The following WNT7A variants were observed in gnomAD, a reference collection of about 807,000 sequenced individuals.
WNT7A encodes the protein Wnt family member 7A, also known as protein Wnt-7a.
A neutral mutation model predicts 28.2 loss-of-function variants in WNT7A; 16 were observed. That is an observed-to-expected ratio of 0.57 (90% CI 0.38 to 0.86). The LOEUF is 0.86. Among genes scored for constraint, WNT7A ranks in the 40% least tolerant of loss-of-function variants. The probability of loss-of-function intolerance (pLI) is 0.00; values close to 1 mark genes in which losing one functional copy is unlikely to be tolerated. For synonymous variants in WNT7A, 190 were observed against 195.9 expected (o/e 0.97, Z 0.25); for missense variants, 411 against 489.7 (o/e 0.84, Z 1.52).
intron 2 of WNT7A, among the ~76,000 whole-genome samples, chr3:13,873,843 G>C (rs1695062132): frequency 6.6e-6 from 1 of 152,154 alleles, no homozygotes; most frequent in East Asian, 1.9e-4. Flanking sequence ...GGTGTGTTTG[G>C]GAAAAAGGAC....
intron 3 of WNT7A, among the ~76,000 whole-genome samples, chr3:13,841,824 C>T (rs780344544): frequency 6.6e-6 from 1 of 152,106 alleles, no homozygotes; most frequent in African/African-American, 2.4e-5. Flanking sequence ...AAAAACAAAA[C>T]GTGGAAGGGA....
chr3:13,841,614 T>C (rs1394302644), intron 3 of WNT7A, among the ~76,000 whole-genome samples: 1 of 152,164 alleles, frequency 6.6e-6, no homozygotes, highest in African/African-American at 2.4e-5. Flanking sequence ...TGTACAGGTA[T>C]AAAATATTCA....
intron 2 of WNT7A, among the ~76,000 whole-genome samples, chr3:13,874,487 GACTGCGGCAGTGAATGGGTTGCCCATTC>G (rs1695073480): frequency 6.6e-6 from 1 of 152,282 alleles, no homozygotes; most frequent in African/African-American, 2.4e-5. Flanking sequence ...GAGTGGTGGG[GACTGCGGCAGTGAATGGGTTGCCCATTC>G]ACTGCTGCAA....
At chr3:13,856,965 GAAGGAGAAGAAGAAGAAGA>G (rs1694753630) in intron 2 of WNT7A, among the ~76,000 whole-genome samples, 1 of 122,566 alleles carries the variant, frequency 8.2e-6, no homozygotes, top group Non-Finnish European at 1.6e-5. Flanking sequence ...AGAAGAAGAA[GAAGGAGAAGAAGAAGAAGA>G]AGGAGAAGAA....
chr3:13,876,007 G>A (rs979191674), intron 1 of WNT7A: 6 of 152,292 alleles, frequency 3.9e-5, no homozygotes, highest in African/African-American at 1.4e-4. Context: ...AGGCCATCTC[G>A]ACAGTGATAT....
At chr3:13,838,976 T>G (rs1464011959) in intron 3 of WNT7A, among the ~76,000 whole-genome samples, 1 of 152,220 alleles carries the variant, frequency 6.6e-6, no homozygotes, top group African/African-American at 2.4e-5. Flanking sequence ...TATCTCAGTA[T>G]TTGCATATTG....
chr3:13,829,738 G>C (rs753011802), intron 3 of WNT7A, among the ~76,000 whole-genome samples: 1 of 152,182 alleles, frequency 6.6e-6, no homozygotes, highest in Non-Finnish European at 1.5e-5. Flanking sequence ...GAGGAGAGAA[G>C]CAGGTTGGCT....
rs1021036360 is a variant in WNT7A at position 13,818,053 on chromosome 3, G to C, written c.*891C>G. 7 of 152,152 alleles carry C rather than the reference G, an allele frequency of 4.6e-5. No individual in the cohort carries two copies. The highest frequency in any genetic ancestry group is 4.6e-4 in the Admixed American group (7 of 15,274). 9.4% of individuals were successfully genotyped at this position (152,152 alleles called of 1,614,324 possible). On this transcript the variant is annotated 3_prime_UTR_variant, in exon 4 of 4. Transcript: ENST00000285018. The stretch of plus-strand genomic sequence containing the variant: ...AGGCATCGCCCCTCCTTACCCCTAA[G>C]TGAGTACCAGAATTAAGAAGAAGCA...
intron 1 of WNT7A, among the ~76,000 whole-genome samples, chr3:13,876,162 C>G (rs917182352): frequency 6.6e-6 from 1 of 152,166 alleles, no homozygotes; most frequent in African/African-American, 2.4e-5. Context: ...TCTGAATTGC[C>G]AGGAGGCATC....
At chr3:13,862,330 A>C (rs1443744005) in intron 2 of WNT7A, among the ~76,000 whole-genome samples, 1 of 152,230 alleles carries the variant, frequency 6.6e-6, no homozygotes. Context: ...TGCCCAAAAG[A>C]TTCCATTCCA....
chr3:13,869,685 G>C (rs1695000256), intron 2 of WNT7A, among the ~76,000 whole-genome samples: 1 of 92,010 alleles, frequency 1.1e-5, no homozygotes, highest in Admixed American at 1.2e-4. Context: ...GAGGGAGGAA[G>C]GGAAAGATAG....
intron 3 of WNT7A, among the ~76,000 whole-genome samples, chr3:13,823,948 C>A (rs1300104755): frequency 6.6e-6 from 1 of 152,214 alleles, no homozygotes; most frequent in Non-Finnish European, 1.5e-5. Flanking sequence ...CCCCCGGATT[C>A]TAGCAGCTCA....
chr3:13,861,638 G>A (rs1694832676), intron 2 of WNT7A, among the ~76,000 whole-genome samples: 1 of 152,228 alleles, frequency 6.6e-6, no homozygotes, highest in African/African-American at 2.4e-5. Context: ...TAGCCTGAGT[G>A]ATGGCCCTGG....
At chr3:13,872,566 G>A (rs1381350456) in intron 2 of WNT7A, among the ~76,000 whole-genome samples, 1 of 152,090 alleles carries the variant, frequency 6.6e-6, no homozygotes, top group Non-Finnish European at 1.5e-5. Flanking sequence ...CTGTCCCAAG[G>A]ATTTTCTTGG....
At chr3:13,832,494 G>C (rs560952559) in intron 3 of WNT7A, among the ~76,000 whole-genome samples, 9 of 148,324 alleles carry the variant, frequency 6.1e-5, no homozygotes, top group African/African-American at 1.2e-4. Flanking sequence ...CCCTCCTCAG[G>C]CTCCTCCTAC....
chr3:13,872,945 T>A (rs1380791392), intron 2 of WNT7A, among the ~76,000 whole-genome samples: 1 of 152,144 alleles, frequency 6.6e-6, no homozygotes, highest in Non-Finnish European at 1.5e-5. Context: ...ATCTATAACA[T>A]CTTATATATC....
chr3:13,876,483 G>A (rs1468587654), intron 1 of WNT7A, among the ~76,000 whole-genome samples: 1 of 152,216 alleles, frequency 6.6e-6, no homozygotes. Flanking sequence ...GCAGGTTAGG[G>A]TTGGTGGTGG....
intron 3 of WNT7A, among the ~76,000 whole-genome samples, chr3:13,827,564 T>C (rs944232646): frequency 6.6e-5 from 10 of 152,062 alleles, no homozygotes; most frequent in Non-Finnish European, 1.2e-4. Flanking sequence ...AAATAGATAC[T>C]ATCGAATTTG....
At chr3:13,837,536 G>C (rs1301036553) in intron 3 of WNT7A, among the ~76,000 whole-genome samples, 1 of 128,652 alleles carries the variant, frequency 7.8e-6, no homozygotes, top group Non-Finnish European at 1.7e-5. Flanking sequence ...TTTTCTGGGT[G>C]AGTGAATGAA....
Sources: allele counts gnomAD v4.1 joint callset (sites outside exome capture counted in the v4.1 genomes callset), GRCh38; gene constraint gnomAD v4.1.1; transcripts MANE v1.5; gene names NCBI Gene and HGNC (gene_info 2026-07-23, HGNC 2026-07-21).